CWF19L2: variants seen among roughly 807,000 people sequenced by gnomAD.
CWF19L2 encodes the protein CWF19 like cell cycle control factor 2, also known as CWF19-like protein 2.
In CWF19L2, 98 loss-of-function variants were observed where a neutral mutation model predicts 111.7. The observed-to-expected ratio is 0.88, with a 90% CI of 0.75 to 1.04. The LOEUF (loss-of-function observed/expected upper bound fraction) is 1.04. Among genes scored for constraint, CWF19L2 ranks in the 50% least tolerant of loss-of-function variants. The pLI is 0.00. For missense variants in CWF19L2, 1,101 were observed against 1,051.4 expected, an observed-to-expected ratio of 1.05 and a Z score of -0.65; for synonymous variants, 351 against 342.9, an observed-to-expected ratio of 1.02 and a Z score of -0.26.
Position 107,428,983 on chromosome 11 carries a change from T to A in CWF19L2, c.1249A>T (p.Thr417Ser). 6.2e-7 allele frequency: 1 copy of A among 1,613,768 alleles called. No individual in the cohort carries two copies. The highest frequency in any genetic ancestry group is 8.5e-7 in the Non-Finnish European group (1 of 1,179,808). ...KPTKNSEERL[T>S]SWSRSDGRGD... Reference sequence around the variant, plus strand: ...CTCCCATCAGAGCGACTCCATGATGTTAATCTTTCTTCACTGTTCTTGGTG... The same window carrying A: ...CTCCCATCAGAGCGACTCCATGATGATAATCTTTCTTCACTGTTCTTGGTG... The change falls in exon 8 of 18, where the codon ACA (threonine) becomes TCA (serine). Residue 417 changes from threonine (T) to serine (S), a missense_variant. Transcript: ENST00000282251.
chr11:107,413,593 T>C (rs1254556779), intron 10 of CWF19L2, among the ~76,000 whole-genome samples: 2 of 152,142 alleles, frequency 1.3e-5, no homozygotes, highest in Non-Finnish European at 2.9e-5. Flanking sequence ...CTGAAAACAA[T>C]AATTTGGCAA....
chr11:107,381,701 A>T (rs958573384), intron 12 of CWF19L2, among the ~76,000 whole-genome samples: 13 of 152,144 alleles, frequency 8.5e-5, no homozygotes, highest in Admixed American at 4.6e-4. Context: ...ATATCACTTA[A>T]TCTCTCAAAA....
Position 107,418,151 on chromosome 11 carries a change from A to T in CWF19L2, c.1527+43T>A, listed in dbSNP as rs770625929. On this transcript the variant is annotated intron_variant, in intron 9 of 17. Coordinates refer to ENST00000282251, the MANE Select transcript of CWF19L2 (RefSeq NM_152434.3). ...TCTAAAATTACTCATAAGAAGTTAAACATTTAATCATTATTCTCTAAAGCA... is the reference window on the plus strand; with the variant it reads ...TCTAAAATTACTCATAAGAAGTTAATCATTTAATCATTATTCTCTAAAGCA... 7 of 1,200,882 alleles carry T rather than the reference A, an allele frequency of 5.8e-6. No individual in the cohort carries two copies. In the African/African-American group the frequency reaches 7.5e-5, roughly 13 times the overall value. 74.4% of individuals were successfully genotyped at this position (1,200,882 alleles called of 1,614,324 possible).
chr11:107,433,318 A>C (rs1176860677), intron 7 of CWF19L2, among the ~76,000 whole-genome samples: 1 of 152,146 alleles, frequency 6.6e-6, no homozygotes, highest in African/African-American at 2.4e-5. Context: ...CTGGAATATA[A>C]AAAATTTCAA....
chr11:107,385,375 T>G (rs1370073194), intron 12 of CWF19L2, among the ~76,000 whole-genome samples: 1 of 151,972 alleles, frequency 6.6e-6, no homozygotes, highest in East Asian at 1.9e-4. Context: ...AAGATATTAA[T>G]ACAACACTAC....
chr11:107,382,403 T>A (rs1860700154), intron 12 of CWF19L2, among the ~76,000 whole-genome samples: 1 of 152,232 alleles, frequency 6.6e-6, no homozygotes, highest in Non-Finnish European at 1.5e-5. Context: ...CTAGGAAAGT[T>A]ACTTAGCCTT....
At chr11:107,337,111 A>G (rs1859936868) in intron 14 of CWF19L2, among the ~76,000 whole-genome samples, 1 of 152,232 alleles carries the variant, frequency 6.6e-6, no homozygotes, top group Non-Finnish European at 1.5e-5. Context: ...ACTCAGAAAT[A>G]CATGAGAATT....
At chr11:107,403,477 GT>G in intron 10 of CWF19L2, 1 of 820,254 alleles carries the variant, frequency 1.2e-6, no homozygotes. Flanking sequence ...CTGAGCCAGT[GT>G]TACTATCACT....
intron 3 of CWF19L2, among the ~76,000 whole-genome samples, 167 bp downstream of exon 3, chr11:107,454,283 T>C (rs1422703286): frequency 2.0e-5 from 3 of 152,366 alleles, no homozygotes; most frequent in Non-Finnish European, 4.4e-5. Context: ...AAGATCAACA[T>C]TTCCAATATT....
At chr11:107,398,062 C>T (rs1220752742) in intron 10 of CWF19L2, among the ~76,000 whole-genome samples, 1 of 152,154 alleles carries the variant, frequency 6.6e-6, no homozygotes, top group Non-Finnish European at 1.5e-5. Context: ...TTTGACACAG[C>T]CTACCCAAAT....
At chr11:107,431,011 AT>A (rs1396019405) in intron 7 of CWF19L2, among the ~76,000 whole-genome samples, 4 of 151,562 alleles carry the variant, frequency 2.6e-5, no homozygotes, top group African/African-American at 9.7e-5. Context: ...AAATAAAAAA[AT>A]AAAATTAAAA....
In CWF19L2 at chr11:107,455,753, T is replaced by C. The variant is rs750815125; in HGVS notation, c.129A>G (p.Glu43=). ...GTCGCTTAAGTTCTTTACGCCTTTCTTCTTTTTCAAAATTGGCTTTAGCCT... is the reference window on the plus strand; with the variant it reads ...GTCGCTTAAGTTCTTTACGCCTTTCCTCTTTTTCAAAATTGGCTTTAGCCT... ...LRQAKANFEK[E]ERRKELKRLR... is the part of the protein sequence containing the mutation. Residue 43 remains glutamate, a synonymous_variant, in exon 2 of 18, where the codon GAA becomes GAG. Transcript: ENST00000282251. The C allele has an allele frequency of 8.4e-6, 13 of 1,550,888 alleles. No homozygotes were observed. Among genetic ancestry groups the C allele is most frequent in the African/African-American group, 1.4e-5 (1 of 73,016 alleles).
intron 14 of CWF19L2, among the ~76,000 whole-genome samples, chr11:107,339,043 C>T (rs1256134271): frequency 2.0e-5 from 3 of 152,126 alleles, no homozygotes; most frequent in Non-Finnish European, 2.9e-5. Context: ...AGTGTATAAG[C>T]GTTCCTTTTT....
Position 107,457,695 on chromosome 11 carries a change from C to A in CWF19L2, c.105+17G>T, listed in dbSNP as rs377009702. 1.0e-5 allele frequency: 16 copies of A among 1,537,898 alleles called. No individual in the cohort carries two copies. Among genetic ancestry groups the A allele is most frequent in the Non-Finnish European group, 1.1e-5 (12 of 1,134,670 alleles). ...CCACAACAATAAATAACTACAAAAG[C>A]CCCAAAACAGAGGTACCTGGCGCAA... On this transcript the variant is annotated intron_variant, in intron 1 of 17. Transcript: ENST00000282251.
intron 12 of CWF19L2, among the ~76,000 whole-genome samples, chr11:107,355,700 A>G (rs1860228003): frequency 6.6e-6 from 1 of 152,218 alleles, no homozygotes. Flanking sequence ...ACAATCCTAA[A>G]GTTTATATAC....
chr11:107,436,152 GC>G (rs1189609415), intron 6 of CWF19L2, among the ~76,000 whole-genome samples: 1 of 134,530 alleles, frequency 7.4e-6, no homozygotes, highest in Non-Finnish European at 1.6e-5. Flanking sequence ...GACTCCACAC[GC>G]CCCCCGACCC....
At chr11:107,427,340 T>G (rs1009881697) in intron 8 of CWF19L2, among the ~76,000 whole-genome samples, 2 of 152,024 alleles carry the variant, frequency 1.3e-5, no homozygotes, top group Admixed American at 6.6e-5. Context: ...AAGAATACTG[T>G]CTTCAAAGGA....
chr11:107,442,789 A>C, intron 4 of CWF19L2, 150 bp downstream of exon 4: 1 of 245,246 alleles, frequency 4.1e-6, no homozygotes, highest in Non-Finnish European at 6.5e-6. Flanking sequence ...GAAGGAAGGA[A>C]GGAAGGGAGG....
chr11:107,403,118 G>T (rs746351339), intron 10 of CWF19L2, among the ~76,000 whole-genome samples: 37 of 149,646 alleles, frequency 2.5e-4, no homozygotes, highest in Non-Finnish European at 4.8e-4. Flanking sequence ...GAGTGTGAAG[G>T]GGGTGAGGGA....
Sources: gnomAD v4.1 joint callset for allele counts (sites outside exome capture counted in the v4.1 genomes callset) on GRCh38, gnomAD v4.1.1 for gene constraint, MANE v1.5 for transcripts, NCBI Gene and HGNC (gene_info 2026-07-23, HGNC 2026-07-21) for gene names.